The following RCAN3 variants were observed in gnomAD, a reference collection of about 807,000 sequenced individuals.
RCAN3 encodes regulator of calcineurin 3.
Under a neutral mutation model 21.9 loss-of-function variants are expected in RCAN3, and 19 were observed. The observed-to-expected ratio is 0.87, with a 90% confidence interval of 0.61 to 1.27. The LOEUF is 1.27. Among genes scored for constraint, RCAN3 ranks in the 50% most tolerant of loss-of-function variants. The pLI is 0.00. For synonymous variants in RCAN3, 114 were observed against 112.3 expected (o/e 1.01, Z -0.09); for missense variants, 240 against 300.1 (o/e 0.80, Z 1.48).
At chr1:24,515,353 A>G (rs1243871330) in intron 2 of RCAN3, among the ~76,000 whole-genome samples, 3 of 152,268 alleles carry the variant, frequency 2.0e-5, no homozygotes, top group East Asian at 1.9e-4. Flanking sequence ...ATTAGTTTCT[A>G]TAACTGGGGA....
In RCAN3 at chr1:24,525,796, G is replaced by A. The variant is rs573008161; in HGVS notation, c.196-5422G>A. ...CTGCAATCTTCTAAATCCCTTTCGT[G>A]CTAATGCCGGGTTATCAGGGGCAGC... On this transcript the variant is annotated intron_variant, in intron 2 of 4. Transcript: ENST00000374395. The surrounding 1 kb of genome is among the most constrained non-coding windows in gnomAD (Gnocchi z 4.1). Among the ~76,000 whole-genome samples the A allele has an allele frequency of 1.3e-5, 2 of 152,168 alleles. No individual in the cohort carries two copies. Among genetic ancestry groups the A allele is most frequent in the African/African-American group, 4.8e-5 (2 of 41,482 alleles).
chr1:24,524,128 G>A (rs945781990), intron 2 of RCAN3, among the ~76,000 whole-genome samples: 8 of 152,156 alleles, frequency 5.3e-5, no homozygotes, highest in African/African-American at 1.4e-4. Flanking sequence ...TACTTGGGAG[G>A]CTGAGGCAGG....
In RCAN3 at chr1:24,535,434, A is replaced by C. The variant is rs1276840539; in HGVS notation, c.*157A>C. On this transcript the variant is annotated 3_prime_UTR_variant, in exon 5 of 5. Transcript: ENST00000374395. ...GCCTGTACTGCAGACACGGTCGTGTAGAGTAGCAGCTGATTTGACCTGTCC... is the reference window on the plus strand; with the variant it reads ...GCCTGTACTGCAGACACGGTCGTGTCGAGTAGCAGCTGATTTGACCTGTCC... The C allele has an allele frequency of 9.0e-6, 6 of 669,970 alleles. No individual in the cohort carries two copies. The highest frequency in any genetic ancestry group is 4.3e-5 in the Admixed American group (1 of 23,278). The allele number at this position is 669,970 out of a possible 1,614,324, so 41.5% of individuals were successfully genotyped here.
Position 24,539,351 on chromosome 1 carries a change from G to A in RCAN3, c.*4074G>A, listed in dbSNP as rs1054113205. ...ACTTAATAATTTTATTAATGAATTT[G>A]ATGTCCCATGTTTTGTAGTTTTGTT... On this transcript the variant is annotated 3_prime_UTR_variant, in exon 5 of 5. Transcript: ENST00000374395. 11 of 152,102 alleles carry A rather than the reference G, an allele frequency of 7.2e-5. No individual in the cohort carries two copies. The highest frequency in any genetic ancestry group is 2.4e-4 in the African/African-American group (10 of 41,404). 9.4% of individuals were successfully genotyped at this position (152,102 alleles called of 1,614,324 possible).
rs1324758342 is a variant in RCAN3, at chr1:24,531,786, C to G, written c.369+395C>G. On this transcript the variant is annotated intron_variant, in intron 3 of 4. Coordinates refer to ENST00000374395, the MANE Select transcript of RCAN3 (RefSeq NM_013441.4). ...GAGAAAATGGTCTCTTAAATCATTTCCATAATTCATATGAGGAACCAGGGA... is the reference window on the plus strand; with the variant it reads ...GAGAAAATGGTCTCTTAAATCATTTGCATAATTCATATGAGGAACCAGGGA... Among the ~76,000 whole-genome samples the G allele has an allele frequency of 4.6e-5, 7 of 152,272 alleles. No individual in the cohort carries two copies. In the South Asian group the frequency reaches 1.5e-3, roughly 32 times the overall value.
intron 2 of RCAN3, among the ~76,000 whole-genome samples, chr1:24,517,595 C>T (rs1018252027): frequency 3.3e-5 from 5 of 152,024 alleles, no homozygotes; most frequent in African/African-American, 1.2e-4. Flanking sequence ...AGCGGACTTC[C>T]TAGTAAATTG....
At chr1:24,519,442 G>T (rs1320723368) in intron 2 of RCAN3, among the ~76,000 whole-genome samples, 1 of 152,068 alleles carries the variant, frequency 6.6e-6, no homozygotes, top group Non-Finnish European at 1.5e-5. Context: ...AAATGGGACT[G>T]TTTTTTTCTG....
In RCAN3 at chr1:24,505,235, T is replaced by C. The variant is rs1284845537; in HGVS notation, c.-60+2085T>C. On this transcript the variant is annotated intron_variant, in intron 1 of 4. Coordinates refer to ENST00000374395, the MANE Select transcript of RCAN3 (RefSeq NM_013441.4). ...TGTTTTTTTTTTTCTCTTTTTTCTT[T>C]TTTTTTTTTTTTTTTTTTCTTTTTT... Among the ~76,000 whole-genome samples the C allele has an allele frequency of 5.1e-3, 408 of 80,444 alleles. 5 individuals are homozygous for C. Among genetic ancestry groups the C allele is most frequent in the African/African-American group, 0.015 (342 of 22,476 alleles). 52.8% of individuals were successfully genotyped at this position (80,444 alleles called of 152,430 possible). A position where few individuals can be genotyped will look rare whatever the true frequency, so the allele number is the denominator to read the frequency against.
Position 24,529,646 on chromosome 1 carries a change from G to A in RCAN3, c.196-1572G>A, listed in dbSNP as rs540931792. Among the ~76,000 whole-genome samples, 587 of 149,842 alleles carry A rather than the reference G, an allele frequency of 3.9e-3. 3 individuals carry two copies. Among genetic ancestry groups the A allele is most frequent in the Admixed American group, 6.0e-3 (91 of 15,124 alleles). On this transcript the variant is annotated intron_variant, in intron 2 of 4. Transcript: ENST00000374395. ...GCTCACTGCAACCTCCGCTTCCCAG[G>A]TTCGAGCAATTCTCCCATCTCAGCC...
At position 24,535,368 on chromosome 1, in the gene RCAN3, A is replaced by G. The variant is rs1650158234; in HGVS notation, c.*91A>G. 3 of 1,391,210 alleles carry G rather than the reference A, an allele frequency of 2.2e-6. No individual in the cohort carries two copies. The allele number at this position is 1,391,210 out of a possible 1,614,324, so 86.2% of individuals were successfully genotyped here. ...GCCGATGCGTTGCTGCGAACAGCAT[A>G]GGTGAGACTCTGCCGAGTGAGGTAT... On this transcript the variant is annotated 3_prime_UTR_variant, in exon 5 of 5. Coordinates refer to ENST00000374395, the MANE Select transcript of RCAN3 (RefSeq NM_013441.4).
chr1:24,536,794 A>T lies in RCAN3; in HGVS notation c.*1517A>T, dbSNP rs1650257098. ...GTAAAATTTATTTCTGAGCACTTAA[A>T]CTGTGTTGCATACCCCTAATTTTTT... On this transcript the variant is annotated 3_prime_UTR_variant, in exon 5 of 5. Coordinates refer to ENST00000374395, the MANE Select transcript of RCAN3 (RefSeq NM_013441.4). 2 of 150,968 alleles carry T rather than the reference A, an allele frequency of 1.3e-5. No individual in the cohort carries two copies. Among genetic ancestry groups the T allele is most frequent in the Admixed American group, 6.6e-5 (1 of 15,188 alleles). The allele number at this position is 150,968 out of a possible 1,614,324, so 9.4% of individuals were successfully genotyped here.
rs1040536276 is a variant in RCAN3, at chr1:24,539,291, A to G, written c.*4014A>G. The G allele has an allele frequency of 6.6e-6, 1 of 151,924 alleles. No homozygotes were observed. Among genetic ancestry groups the G allele is most frequent in the Non-Finnish European group, 1.5e-5 (1 of 68,006 alleles). 9.4% of individuals were successfully genotyped at this position (151,924 alleles called of 1,614,324 possible). ...CTTTTTTCCCTGATGGGAAACAGTG[A>G]ATAAGAAAAATCTCATCATTCGATG... On this transcript the variant is annotated 3_prime_UTR_variant, in exon 5 of 5. Transcript: ENST00000374395.
At chr1:24,516,662 G>A (rs143062878) in intron 2 of RCAN3, among the ~76,000 whole-genome samples, 28 of 152,284 alleles carry the variant, frequency 1.8e-4, no homozygotes, top group African/African-American at 6.7e-4. Flanking sequence ...GGAAACGGTC[G>A]GAGGGTTTCT....
chr1:24,535,014 C>A, intron 4 of RCAN3, 79 bp from the exon 5 acceptor site: 1 of 1,415,276 alleles, frequency 7.1e-7, no homozygotes, highest in Non-Finnish European at 9.5e-7. Context: ...AGGAGTAGAA[C>A]AAAAAGTTGC....
At chr1:24,521,788 C>A (rs1003760385) in intron 2 of RCAN3, among the ~76,000 whole-genome samples, 6 of 151,842 alleles carry the variant, frequency 4.0e-5, no homozygotes, top group East Asian at 1.9e-4. Context: ...GTGGAGGTTG[C>A]AGTGAGCTGA....
At chr1:24,529,505 C>G (rs1430740319) in intron 2 of RCAN3, among the ~76,000 whole-genome samples, 1 of 149,012 alleles carries the variant, frequency 6.7e-6, no homozygotes. Context: ...GAACTCTGAT[C>G]ACACCACTGC....
rs768128630 is a variant in RCAN3 at position 24,537,085 on chromosome 1, T to C, written c.*1808T>C. 7 of 152,212 alleles carry C rather than the reference T, an allele frequency of 4.6e-5. No homozygotes were observed. The highest frequency in any genetic ancestry group is 8.8e-5 in the Non-Finnish European group (6 of 68,032). 9.4% of individuals were successfully genotyped at this position (152,212 alleles called of 1,614,324 possible). A position where few individuals can be genotyped will look rare whatever the true frequency, so the allele number is the denominator to read the frequency against. ...GCCAGGAGACATGTATTATCAACAA[T>C]TGGGAATTTTTTGAATTTCCTTTTA... On this transcript the variant is annotated 3_prime_UTR_variant, in exon 5 of 5. Transcript: ENST00000374395.
At position 24,536,368 on chromosome 1, in the gene RCAN3, T is replaced by C. The variant is rs1248134150; in HGVS notation, c.*1091T>C. 1 of 152,234 alleles carries C rather than the reference T, an allele frequency of 6.6e-6. No individual in the cohort carries two copies. Among genetic ancestry groups the C allele is most frequent in the Non-Finnish European group, 1.5e-5 (1 of 68,032 alleles). 9.4% of individuals were successfully genotyped at this position (152,234 alleles called of 1,614,324 possible). A position where few individuals can be genotyped will look rare whatever the true frequency, so the allele number is the denominator to read the frequency against. ...AGGGGGAGATCATTCAGTTTTACTT[T>C]TCTTTTTGTTGAAATTTTGTACCCG... On this transcript the variant is annotated 3_prime_UTR_variant, in exon 5 of 5. Transcript: ENST00000374395.
intron 1 of RCAN3, among the ~76,000 whole-genome samples, chr1:24,509,949 A>T (rs1309469030): frequency 6.6e-6 from 1 of 151,980 alleles, no homozygotes; most frequent in Non-Finnish European, 1.5e-5. Context: ...CAGGCATGAA[A>T]AGAACATTCA....
Sources: gnomAD v4.1 joint callset for allele counts (sites outside exome capture counted in the v4.1 genomes callset) on GRCh38, gnomAD v4.1.1 for gene constraint, Gnocchi (gnomAD v3.1) non-coding constraint, MANE v1.5 for transcripts, NCBI Gene and HGNC (gene_info 2026-07-23, HGNC 2026-07-21) for gene names.